Variants in PTPRD observed in about 807,000 individuals in gnomAD.
The protein encoded by PTPRD is protein tyrosine phosphatase receptor type D, also known as receptor-type tyrosine-protein phosphatase delta.
Under a neutral mutation model 214.5 loss-of-function variants are expected in PTPRD, and 34 were observed. The ratio of observed to expected loss-of-function variants is 0.16; its 90% CI spans 0.12 to 0.21. The LOEUF (loss-of-function observed/expected upper bound fraction) is 0.21. Ranked by LOEUF, PTPRD falls within the 10% of genes least tolerant of loss-of-function variation. PTPRD has a pLI of 1.00. For missense variants in PTPRD, 2,545 were observed against 2,398.7 expected, an observed-to-expected ratio of 1.06 and a Z score of -1.27; for synonymous variants, 1,128 against 845.7, an observed-to-expected ratio of 1.33 and a Z score of -5.79.
At chr9:10,383,415 G>C (rs1253875089) in intron 2 of PTPRD, among the ~76,000 whole-genome samples, 1 of 151,690 alleles carries the variant, frequency 6.6e-6, no homozygotes, top group East Asian at 1.9e-4. Context: ...TCAAAGGATG[G>C]GACTATATGT....
At chr9:9,112,820 G>A (rs1402274605) in intron 10 of PTPRD, among the ~76,000 whole-genome samples, 3 of 152,024 alleles carry the variant, frequency 2.0e-5, no homozygotes, top group African/African-American at 7.2e-5. Context: ...AAAATTCATG[G>A]GACCATAGCA....
At chr9:8,429,284 G>A (rs1239710455) in intron 35 of PTPRD, among the ~76,000 whole-genome samples, 2 of 152,094 alleles carry the variant, frequency 1.3e-5, no homozygotes, top group Non-Finnish European at 2.9e-5. Context: ...ATGAATTTGT[G>A]ACCTGGTTTT....
chr9:9,639,607 G>A (rs1212899232), intron 7 of PTPRD, among the ~76,000 whole-genome samples: 1 of 152,084 alleles, frequency 6.6e-6, no homozygotes, highest in East Asian at 1.9e-4. Flanking sequence ...AAAGATCAAT[G>A]ATTTTATAAA....
chr9:9,652,084 G>T (rs1176141607), intron 7 of PTPRD, among the ~76,000 whole-genome samples: 6 of 151,796 alleles, frequency 4.0e-5, no homozygotes, highest in Non-Finnish European at 7.4e-5. Flanking sequence ...CTCGTGATCC[G>T]CCTGCCTTGG....
At chr9:8,780,223 A>T (rs1053161634) in intron 11 of PTPRD, among the ~76,000 whole-genome samples, 2 of 152,216 alleles carry the variant, frequency 1.3e-5, no homozygotes, top group African/African-American at 4.8e-5. Context: ...AAAATTCTAG[A>T]TAATTATTCC....
At chr9:10,550,160 T>A (rs1464228151) in intron 2 of PTPRD, among the ~76,000 whole-genome samples, 5 of 152,328 alleles carry the variant, frequency 3.3e-5, no homozygotes, top group Non-Finnish European at 7.4e-5. Flanking sequence ...CCATTGCTAA[T>A]CAATTTCCTA....
chr9:8,671,888 A>T (rs1170601356), intron 12 of PTPRD, among the ~76,000 whole-genome samples: 3 of 152,168 alleles, frequency 2.0e-5, no homozygotes, highest in African/African-American at 7.2e-5. Flanking sequence ...CTCTTGGACA[A>T]TTTCAAAGAT....
At chr9:9,552,077 C>T (rs2080413730) in intron 8 of PTPRD, among the ~76,000 whole-genome samples, 1 of 152,006 alleles carries the variant, frequency 6.6e-6, no homozygotes, top group East Asian at 1.9e-4. Flanking sequence ...TCAGACTCTC[C>T]TCTCACTTTC....
intron 12 of PTPRD, among the ~76,000 whole-genome samples, chr9:8,696,729 C>T (rs2097918322): frequency 6.6e-6 from 1 of 152,228 alleles, no homozygotes; most frequent in African/African-American, 2.4e-5. Context: ...GAAGCTAGGT[C>T]AACCAACGGC....
At chr9:10,110,131 A>C (rs1396977527) in intron 3 of PTPRD, among the ~76,000 whole-genome samples, 1 of 152,196 alleles carries the variant, frequency 6.6e-6, no homozygotes, top group African/African-American at 2.4e-5. Flanking sequence ...CCCTGACACA[A>C]ACCGTCTGCT....
chr9:8,748,866 C>A (rs370029002), intron 11 of PTPRD, among the ~76,000 whole-genome samples: 2 of 151,994 alleles, frequency 1.3e-5, no homozygotes, highest in Non-Finnish European at 2.9e-5. Flanking sequence ...GCCAAGATTG[C>A]GCCAGTGCAC....
At chr9:9,732,860 G>A (rs1372761206) in intron 7 of PTPRD, among the ~76,000 whole-genome samples, 4 of 151,556 alleles carry the variant, frequency 2.6e-5, no homozygotes, top group Non-Finnish European at 5.9e-5. Flanking sequence ...GAGGTAGGAG[G>A]ATTTCTTGAA....
intron 8 of PTPRD, among the ~76,000 whole-genome samples, chr9:9,527,980 A>C (rs2154261372): frequency 6.6e-6 from 1 of 152,340 alleles, no homozygotes; most frequent in East Asian, 1.9e-4. Flanking sequence ...CTATGATCCC[A>C]AAAAGAATTA....
chr9:10,109,685 A>T, intron 3 of PTPRD, among the ~76,000 whole-genome samples: 1 of 152,182 alleles, frequency 6.6e-6, no homozygotes, highest in East Asian at 1.9e-4. Context: ...TTGGTACCTG[A>T]CAACGGGTTG....
chr9:10,389,078 C>G (rs2097994704), intron 2 of PTPRD, among the ~76,000 whole-genome samples: 1 of 151,670 alleles, frequency 6.6e-6, no homozygotes, highest in African/African-American at 2.4e-5. Flanking sequence ...GGAACGTGGC[C>G]AAAGATTTTC....
At chr9:8,847,888 T>G (rs2097730541) in intron 11 of PTPRD, among the ~76,000 whole-genome samples, 1 of 152,160 alleles carries the variant, frequency 6.6e-6, no homozygotes, top group African/African-American at 2.4e-5. Context: ...AGGCTGCCAA[T>G]AAGCAGAATG....
chr9:10,068,342 C>T (rs1168188832), intron 3 of PTPRD, among the ~76,000 whole-genome samples: 1 of 151,806 alleles, frequency 6.6e-6, no homozygotes, highest in African/African-American at 2.4e-5. Context: ...ATATGAATTG[C>T]CTTCAAGGTG....
At chr9:10,516,456 T>C (rs974586962) in intron 2 of PTPRD, among the ~76,000 whole-genome samples, 2 of 151,982 alleles carry the variant, frequency 1.3e-5, no homozygotes, top group Admixed American at 6.6e-5. Flanking sequence ...GAGTTCCTTA[T>C]GTATATTAAA....
chr9:9,560,239 C>T (rs2082561526), intron 8 of PTPRD, among the ~76,000 whole-genome samples: 1 of 152,208 alleles, frequency 6.6e-6, no homozygotes, highest in Non-Finnish European at 1.5e-5. Flanking sequence ...AGGAAGTACA[C>T]TCCACCACAG....
Sources: gnomAD v4.1 joint callset for allele counts (sites outside exome capture counted in the v4.1 genomes callset) on GRCh38, gnomAD v4.1.1 for gene constraint, MANE v1.5 for transcripts, NCBI Gene and HGNC (gene_info 2026-07-23, HGNC 2026-07-21) for gene names.